The following SLC1A6 variants were observed in gnomAD, a reference collection of about 807,000 sequenced individuals.
SLC1A6 encodes the protein excitatory amino acid transporter 4.
Under a neutral mutation model 42.1 loss-of-function variants are expected in SLC1A6, and 15 were observed. The ratio of observed to expected loss-of-function variants is 0.36; its 90% CI spans 0.24 to 0.55. The LOEUF (loss-of-function observed/expected upper bound fraction) is 0.55, where lower values mean the gene tolerates loss of function less well. Among genes scored for constraint, SLC1A6 ranks in the 20% least tolerant of loss-of-function variants. The probability of loss-of-function intolerance (pLI) is 0.88; values close to 1 mark genes in which losing one functional copy is unlikely to be tolerated. For missense variants in SLC1A6, 542 were observed against 772.5 expected (o/e 0.70, Z 3.54); for synonymous variants, 317 against 319.7 (o/e 0.99, Z 0.09).
At chr19:15,003,954 G>A (rs1481156542) in intron 1 of SLC1A6, among the ~76,000 whole-genome samples, 7 of 152,232 alleles carry the variant, frequency 4.6e-5, no homozygotes, top group East Asian at 3.9e-4. Flanking sequence ...TCAGGAGCTC[G>A]AGACCAACCT....
chr19:15,001,070 C>T (rs2045870054), intron 1 of SLC1A6, among the ~76,000 whole-genome samples: 1 of 152,184 alleles, frequency 6.6e-6, no homozygotes, highest in Non-Finnish European at 1.5e-5. Flanking sequence ...TTGGTTGGTC[C>T]ACACACATGG....
Position 14,979,475 on chromosome 19 carries a change from A to C in SLC1A6, c.-174T>G, listed in dbSNP as rs901122106. 1 of 151,418 alleles carries C rather than the reference A, an allele frequency of 6.6e-6. No homozygotes were observed. The highest frequency in any genetic ancestry group is 1.5e-5 in the Non-Finnish European group (1 of 67,762). The allele number at this position is 151,418 out of a possible 1,614,324, so 9.4% of individuals were successfully genotyped here. ...CCCGCAACCTCCGCGCCGCAGCCAC[A>C]CCGAGTCCCCGCGCCGAGCCGCGGA... On this transcript the variant is annotated 5_prime_UTR_variant, in exon 1 of 10. Coordinates refer to ENST00000594383, the MANE Select transcript of SLC1A6 (RefSeq NM_005071.3). The surrounding 1 kb of genome is among the most constrained non-coding windows in gnomAD (Gnocchi z 4.2).
At chr19:14,954,050 CCCCTCCT>C in intron 8 of SLC1A6, 78 bp downstream of exon 8, 1 of 1,029,958 alleles carries the variant, frequency 9.7e-7, no homozygotes, top group Non-Finnish European at 1.4e-6. Flanking sequence ...CAGCTGAGGC[CCCCTCCT>C]CCCTCCCCAA....
upstream of SLC1A6, among the ~76,000 whole-genome samples, chr19:14,983,822 T>C (rs1170697659): frequency 6.6e-6 from 1 of 151,556 alleles, no homozygotes; most frequent in Non-Finnish European, 1.5e-5. Flanking sequence ...ACATAACTTC[T>C]AGTACTGTTG....
chr19:14,968,658 C>T, intron 3 of SLC1A6, 151 bp from the exon 4 acceptor site: 2 of 633,472 alleles, frequency 3.2e-6, no homozygotes, highest in East Asian at 2.8e-5. Flanking sequence ...CCACCCATTA[C>T]CCATTCACCC....
intron 1 of SLC1A6, chr19:14,973,210 GA>G: frequency 2.6e-6 from 1 of 388,090 alleles, no homozygotes; most frequent in Non-Finnish European, 4.6e-6. Flanking sequence ...AGGTTACAGT[GA>G]TCTATGATCT....
intron 1 of SLC1A6, among the ~76,000 whole-genome samples, chr19:14,995,678 C>T (rs1364138777): frequency 1.3e-5 from 2 of 152,116 alleles, no homozygotes; most frequent in Admixed American, 6.5e-5. Context: ...TATACAGATA[C>T]AATTTGTGTC....
chr19:14,978,697 C>T (rs558441287), intron 1 of SLC1A6, among the ~76,000 whole-genome samples: 1 of 152,014 alleles, frequency 6.6e-6, no homozygotes. Context: ...ATACACTTGC[C>T]ACATTCATGT....
chr19:15,009,339 C>T lies in SLC1A6; in HGVS notation c.6+1146G>A, dbSNP rs139309860. Among the ~76,000 whole-genome samples, 983 of 139,658 alleles carry T rather than the reference C, an allele frequency of 7.0e-3. 8 individuals are homozygous for T. Among genetic ancestry groups the T allele is most frequent in the African/African-American group, 0.028 (896 of 31,596 alleles). 91.6% of individuals were successfully genotyped at this position (139,658 alleles called of 152,430 possible). On this transcript the variant is annotated intron_variant, in intron 1 of 8. Coordinates refer to the SLC1A6 transcript ENST00000430939. ...TCACATAGATATCCTATCTACATGG[C>T]ACATATATATAGCATATATGTCACA...
chr19:15,008,022 C>CA (rs1491510147), intron 1 of SLC1A6, among the ~76,000 whole-genome samples: 4 of 79,974 alleles, frequency 5.0e-5, no homozygotes, highest in African/African-American at 1.5e-4. Context: ...CAAAAGTCTG[C>CA]CCCCCCCCCA....
Position 14,950,161 on chromosome 19 carries a change from C to G in SLC1A6, c.*34G>C. The G allele has an allele frequency of 6.9e-7, 1 of 1,444,576 alleles. No individual in the cohort carries two copies. The highest frequency in any genetic ancestry group is 9.2e-7 in the Non-Finnish European group (1 of 1,087,558). The allele number at this position is 1,444,576 out of a possible 1,614,324, so 89.5% of individuals were successfully genotyped here. A position where few individuals can be genotyped will look rare whatever the true frequency, so the allele number is the denominator to read the frequency against. Reference sequence around the variant, plus strand: ...CAGGACTCCCCTCCCCAGCCCCCTTCCCTCCTCTCTGGGGGGGCAGAGCTG... The same window carrying G: ...CAGGACTCCCCTCCCCAGCCCCCTTGCCTCCTCTCTGGGGGGGCAGAGCTG... On this transcript the variant is annotated 3_prime_UTR_variant, in exon 10 of 10. Coordinates refer to ENST00000594383, the MANE Select transcript of SLC1A6 (RefSeq NM_005071.3).
At chr19:14,997,816 G>T (rs984860951) in intron 1 of SLC1A6, among the ~76,000 whole-genome samples, 2 of 152,154 alleles carry the variant, frequency 1.3e-5, no homozygotes, top group Non-Finnish European at 1.5e-5. Context: ...TGAAATCAAG[G>T]TGTTGGTAGG....
chr19:14,950,407 A>G lies in SLC1A6; in HGVS notation c.1500-17T>C, dbSNP rs916454279. The G allele has an allele frequency of 2.0e-6, 3 of 1,517,396 alleles. No homozygotes were observed. The highest frequency in any genetic ancestry group is 2.7e-6 in the Non-Finnish European group (3 of 1,124,622). 94.0% of individuals were successfully genotyped at this position (1,517,396 alleles called of 1,614,324 possible). ...AGCCGGTCACTGGTACAGGGGAGAAAGAAGCTGCCATTAATGGGGGCTTGA... is the reference window on the plus strand; with the variant it reads ...AGCCGGTCACTGGTACAGGGGAGAAGGAAGCTGCCATTAATGGGGGCTTGA... On this transcript the variant is annotated splice_polypyrimidine_tract_variant and intron_variant, in intron 9 of 9. Coordinates refer to ENST00000594383, the MANE Select transcript of SLC1A6 (RefSeq NM_005071.3).
chr19:14,970,654 T>G (rs995615240), intron 3 of SLC1A6, among the ~76,000 whole-genome samples: 1 of 151,498 alleles, frequency 6.6e-6, no homozygotes, highest in Admixed American at 6.6e-5. Flanking sequence ...GTGCTTGCAG[T>G]GAGCGGAGAT....
chr19:14,956,113 G>A lies in SLC1A6; in HGVS notation c.1169+363C>T, dbSNP rs535298491. On this transcript the variant is annotated intron_variant, in intron 7 of 9. Coordinates refer to ENST00000594383, the MANE Select transcript of SLC1A6 (RefSeq NM_005071.3). Reference sequence around the variant, plus strand: ...GGATGAAGGGGAAGAAGAAGGAGGAGGAGAAGGAAGAAGCAGCAGCCAAGA... The same window carrying A: ...GGATGAAGGGGAAGAAGAAGGAGGAAGAGAAGGAAGAAGCAGCAGCCAAGA... 6.6e-5 allele frequency among the ~76,000 whole-genome samples: 10 copies of A among 151,862 alleles called. 1 individual carries two copies. In the South Asian group the frequency reaches 2.1e-3, roughly 32 times the overall value.
intron 6 of SLC1A6, among the ~76,000 whole-genome samples, chr19:14,960,200 G>A (rs1301527214): frequency 6.6e-6 from 1 of 152,208 alleles, no homozygotes; most frequent in Non-Finnish European, 1.5e-5. Flanking sequence ...GTTAGTAGCT[G>A]AGTGAACAAA....
intron 1 of SLC1A6, among the ~76,000 whole-genome samples, chr19:15,007,066 G>A (rs1011465460): frequency 1.3e-5 from 2 of 152,218 alleles, no homozygotes; most frequent in Non-Finnish European, 2.9e-5. Flanking sequence ...TGGGTGCTCG[G>A]TAGTGGAATA....
intron 4 of SLC1A6, 145 bp from the exon 5 acceptor site, chr19:14,964,506 A>C (rs2045551737): frequency 4.2e-6 from 3 of 717,108 alleles, no homozygotes; most frequent in South Asian, 3.2e-5. Context: ...CAAGCATCTT[A>C]CTATCATCTG....
intron 1 of SLC1A6, among the ~76,000 whole-genome samples, chr19:15,008,410 CAG>C (rs993980013): frequency 9.3e-5 from 14 of 151,128 alleles, no homozygotes; most frequent in African/African-American, 3.2e-4. Context: ...GAAAAAAAAA[CAG>C]AGGTTGGCAA....
Sources: allele counts gnomAD v4.1 joint callset (sites outside exome capture counted in the v4.1 genomes callset), GRCh38; gene constraint gnomAD v4.1.1; non-coding constraint Gnocchi (gnomAD v3.1); transcripts MANE v1.5; gene names NCBI Gene and HGNC (gene_info 2026-07-23, HGNC 2026-07-21).